Variants in DLGAP1 observed in about 807,000 individuals in gnomAD.
DLGAP1 encodes the protein DLG associated protein 1.
A neutral mutation model predicts 90.8 loss-of-function variants in DLGAP1; 11 were observed. The ratio of observed to expected loss-of-function variants is 0.12; its 90% CI spans 0.08 to 0.20. DLGAP1 has a LOEUF of 0.20. Ranked by LOEUF, DLGAP1 falls within the 10% of genes least tolerant of loss-of-function variation. The pLI is 1.00. For missense variants in DLGAP1, 1,050 were observed against 1,333.8 expected (o/e 0.79, Z 3.31); for synonymous variants, 558 against 540.7 (o/e 1.03, Z -0.44).
chr18:4,008,899 A>T (rs1014084124), intron 2 of DLGAP1, among the ~76,000 whole-genome samples: 4 of 152,010 alleles, frequency 2.6e-5, no homozygotes, highest in African/African-American at 9.7e-5. Flanking sequence ...AGTGACAGCC[A>T]CCGAGTCTCT....
At chr18:4,201,152 C>A (rs28488300) in intron 1 of DLGAP1, among the ~76,000 whole-genome samples, 12,892 of 151,788 alleles carry the variant, frequency 0.085, 1,565 homozygotes, top group African/African-American at 0.27. Context: ...TAGTTTAGTT[C>A]AGTCCCGTTT....
At chr18:3,905,284 G>A (rs897591979) in intron 3 of DLGAP1, among the ~76,000 whole-genome samples, 6 of 139,466 alleles carry the variant, frequency 4.3e-5, no homozygotes, top group Non-Finnish European at 9.2e-5. Context: ...GGAGAATGGC[G>A]TGAACCCGGG....
chr18:3,868,091 A>G (rs921964867), intron 4 of DLGAP1, among the ~76,000 whole-genome samples: 10 of 152,156 alleles, frequency 6.6e-5, no homozygotes, highest in African/African-American at 2.2e-4. Context: ...GTAAGCAGGG[A>G]AAATCAGCTA....
At chr18:3,736,163 T>C (rs979687272) in intron 6 of DLGAP1, among the ~76,000 whole-genome samples, 2 of 152,186 alleles carry the variant, frequency 1.3e-5, no homozygotes, top group African/African-American at 4.8e-5. Flanking sequence ...TGAAAATACC[T>C]AGGATTTGGA....
rs557560008 is a variant in DLGAP1 at position 3,897,995 on chromosome 18, C to T, written c.-72-17855G>A. Among the ~76,000 whole-genome samples the T allele has an allele frequency of 9.1e-3, 1,387 of 151,982 alleles. 15 individuals carry two copies. Among genetic ancestry groups the T allele is most frequent in the African/African-American group, 0.025 (1,020 of 41,462 alleles). ...ATTTTTAGTAGAGACGGGGTTTCAC[C>T]TTGTTAGCCAGGATGGTCTCGATCT... On this transcript the variant is annotated intron_variant, in intron 3 of 12. Coordinates refer to ENST00000315677, the MANE Select transcript of DLGAP1 (RefSeq NM_004746.4).
chr18:4,285,497 A>C (rs1306014740), intron 1 of DLGAP1, among the ~76,000 whole-genome samples: 1 of 152,200 alleles, frequency 6.6e-6, no homozygotes, highest in East Asian at 1.9e-4. Context: ...TTTTAAGGGA[A>C]AAGAAATTAT....
intron 5 of DLGAP1, among the ~76,000 whole-genome samples, chr18:3,776,935 T>G (rs1489959047): frequency 6.6e-6 from 1 of 152,106 alleles, no homozygotes; most frequent in Non-Finnish European, 1.5e-5. Flanking sequence ...GGATCACAAG[T>G]GTGGCCACCA....
At chr18:4,204,786 G>A (rs779637039) in intron 1 of DLGAP1, among the ~76,000 whole-genome samples, 18 of 152,124 alleles carry the variant, frequency 1.2e-4, no homozygotes, top group Non-Finnish European at 1.5e-4. Context: ...GTTCCATGAA[G>A]GTCAAAGTCA....
intron 6 of DLGAP1, among the ~76,000 whole-genome samples, chr18:3,734,251 T>C (rs368539319): frequency 1.3e-4 from 20 of 150,662 alleles, no homozygotes; most frequent in Admixed American, 5.3e-4. Context: ...CTCTCTCTCT[T>C]TCTCTCTCTC....
chr18:4,191,407 C>T (rs551104537), intron 1 of DLGAP1, among the ~76,000 whole-genome samples: 18 of 152,258 alleles, frequency 1.2e-4, no homozygotes, highest in African/African-American at 4.3e-4. Context: ...GTCTGCCAGT[C>T]CTCTATAGTA....
chr18:4,388,091 G>A (rs1220878097), intron 1 of DLGAP1, among the ~76,000 whole-genome samples: 2 of 152,084 alleles, frequency 1.3e-5, no homozygotes, highest in African/African-American at 4.8e-5. Context: ...GGAGGACGGA[G>A]TGGAAGCTAG....
chr18:3,720,888 CAAAA>C lies in DLGAP1; in HGVS notation c.1591+8243_1591+8246del, dbSNP rs1186426563. 2.8e-3 allele frequency among the ~76,000 whole-genome samples: 140 copies of C among 50,314 alleles called. 7 individuals are homozygous for C. The highest frequency in any genetic ancestry group is 0.01 in the African/African-American group (131 of 12,496). 33.0% of individuals were successfully genotyped at this position (50,314 alleles called of 152,430 possible). ...GCAACATACTAAGACCTTGTCTCTA[CAAAA>C]AAAAAAAAAAAAAAAAATTAGCTGG... On this transcript the variant is annotated intron_variant, in intron 7 of 12. Transcript: ENST00000315677.
intron 7 of DLGAP1, among the ~76,000 whole-genome samples, chr18:3,631,432 T>C (rs1421051683): frequency 6.6e-6 from 1 of 152,218 alleles, no homozygotes; most frequent in Non-Finnish European, 1.5e-5. Flanking sequence ...CTGGGTTATA[T>C]GTATTTTTAA....
intron 9 of DLGAP1, among the ~76,000 whole-genome samples, chr18:3,540,826 T>C (rs2052651287): frequency 6.6e-6 from 1 of 152,186 alleles, no homozygotes; most frequent in African/African-American, 2.4e-5. Context: ...CAAATAATTG[T>C]GATGTTTTTC....
At chr18:3,889,892 T>C (rs1212234669) in intron 3 of DLGAP1, among the ~76,000 whole-genome samples, 1 of 151,792 alleles carries the variant, frequency 6.6e-6, no homozygotes, top group African/African-American at 2.4e-5. Flanking sequence ...ACAGAGGGAG[T>C]GTGTGTGGAG....
intron 7 of DLGAP1, among the ~76,000 whole-genome samples, chr18:3,602,158 C>T (rs1173176625): frequency 2.0e-5 from 3 of 152,164 alleles, no homozygotes; most frequent in Non-Finnish European, 4.4e-5. Context: ...AGTGTGTCTG[C>T]AAGTACTCTC....
chr18:3,847,449 T>G (rs1186199003), intron 4 of DLGAP1, among the ~76,000 whole-genome samples: 2 of 150,752 alleles, frequency 1.3e-5, no homozygotes, highest in Admixed American at 6.6e-5. Context: ...TCTGCAAGAG[T>G]AAGAGCACCA....
intron 2 of DLGAP1, among the ~76,000 whole-genome samples, chr18:4,008,226 TAC>T (rs67739004): frequency 0.013 from 1,922 of 147,014 alleles, 22 homozygotes; most frequent in Non-Finnish European, 0.02. Flanking sequence ...TATATATATA[TAC>T]ACACACACAC....
intron 7 of DLGAP1, among the ~76,000 whole-genome samples, chr18:3,652,234 ACAT>A (rs201880972): frequency 0.012 from 1,883 of 152,102 alleles, 32 homozygotes; most frequent in South Asian, 0.036. Flanking sequence ...AGAGGGAATG[ACAT>A]CAATACATTA....
Sources: allele counts gnomAD v4.1 joint callset (sites outside exome capture counted in the v4.1 genomes callset), GRCh38; gene constraint gnomAD v4.1.1; transcripts MANE v1.5; gene names NCBI Gene and HGNC (gene_info 2026-07-23, HGNC 2026-07-21).